Variants in AZIN1 observed in about 807,000 individuals in gnomAD.
AZIN1 encodes the protein ornithine decarboxylase antizyme inhibitor.
A neutral mutation model predicts 47.4 loss-of-function variants in AZIN1; 12 were observed. The observed-to-expected ratio is 0.25, with a 90% CI of 0.16 to 0.41. The LOEUF (loss-of-function observed/expected upper bound fraction) is 0.41, where lower values mean the gene tolerates loss of function less well. AZIN1 is among the 10% of genes least tolerant of loss of function. The probability of loss-of-function intolerance (pLI) is 1.00; values close to 1 mark genes in which losing one functional copy is unlikely to be tolerated. For missense variants in AZIN1, 410 were observed against 532.4 expected (o/e 0.77, Z 2.26); for synonymous variants, 155 against 176.3 (o/e 0.88, Z 0.96).
intron 2 of AZIN1, among the ~76,000 whole-genome samples, chr8:102,853,146 CAG>C (rs1470610922): frequency 2.0e-5 from 3 of 152,208 alleles, no homozygotes. Flanking sequence ...GATTGGTAGT[CAG>C]TATTAATTTT....
chr8:102,846,995 T>C (rs1812606813), intron 2 of AZIN1, among the ~76,000 whole-genome samples: 1 of 152,180 alleles, frequency 6.6e-6, no homozygotes, highest in African/African-American at 2.4e-5. Flanking sequence ...TGAAAAAATA[T>C]GACCTCTTCT....
At chr8:102,860,582 T>G (rs1484534285) in intron 1 of AZIN1, among the ~76,000 whole-genome samples, 1 of 152,074 alleles carries the variant, frequency 6.6e-6, no homozygotes, top group Non-Finnish European at 1.5e-5. Context: ...TTCTTAAAAA[T>G]AAAATAGGAA....
intron 2 of AZIN1, 52 bp downstream of exon 2, chr8:102,857,961 T>C: frequency 2.5e-6 from 1 of 398,758 alleles, no homozygotes; most frequent in Non-Finnish European, 4.4e-6. Flanking sequence ...GGCAGCACTC[T>C]TCCTTCGATT....
chr8:102,827,418 C>G lies in AZIN1; in HGVS notation c.*1149G>C, dbSNP rs1811174765. On this transcript the variant is annotated 3_prime_UTR_variant, in exon 12 of 12. Coordinates refer to ENST00000337198, the MANE Select transcript of AZIN1 (RefSeq NM_148174.4). Reference sequence around the variant, plus strand: ...ATAACAAGAAACTAAGGGGACAGTTCAAACCAACAACAAAAAATCCTAAAT... The same window carrying G: ...ATAACAAGAAACTAAGGGGACAGTTGAAACCAACAACAAAAAATCCTAAAT... 6.6e-6 allele frequency: 1 copy of G among 152,032 alleles called. No homozygotes were observed. The highest frequency in any genetic ancestry group is 2.1e-4 in the South Asian group (1 of 4,828). 9.4% of individuals were successfully genotyped at this position (152,032 alleles called of 1,614,324 possible).
intron 2 of AZIN1, chr8:102,854,606 AAATATAT>A (rs1334903283): frequency 7.9e-6 from 1 of 125,964 alleles, no homozygotes. Context: ...AAAAAAAAAA[AAATATAT>A]ATATATATAT....
intron 7 of AZIN1, 120 bp downstream of exon 7, chr8:102,834,546 T>C (rs1811691942): frequency 4.1e-6 from 3 of 738,662 alleles, no homozygotes; most frequent in Admixed American, 2.8e-5. Context: ...ATAATAAAAA[T>C]GAGGTGTGTG....
intron 2 of AZIN1, among the ~76,000 whole-genome samples, chr8:102,852,187 T>G (rs1586196559): frequency 6.6e-6 from 1 of 152,216 alleles, no homozygotes; most frequent in Non-Finnish European, 1.5e-5. Context: ...GCTAAGAAGA[T>G]ACCATACTTG....
chr8:102,836,103 T>C, intron 6 of AZIN1, 153 bp downstream of exon 6: 1 of 805,298 alleles, frequency 1.2e-6, no homozygotes, highest in Non-Finnish European at 1.9e-6. Flanking sequence ...TTGTTTTGCC[T>C]AAACTAAGAA....
chr8:102,831,641 CAAAAAA>C (rs35860063), intron 9 of AZIN1, among the ~76,000 whole-genome samples: 1 of 83,838 alleles, frequency 1.2e-5, no homozygotes, highest in African/African-American at 4.8e-5. Flanking sequence ...AAAACAGTCT[CAAAAAA>C]AAAAAAAAAA....
At chr8:102,831,288 G>T (rs899012546) in intron 9 of AZIN1, among the ~76,000 whole-genome samples, 3 of 152,034 alleles carry the variant, frequency 2.0e-5, no homozygotes, top group Non-Finnish European at 2.9e-5. Context: ...TATTCTTTAA[G>T]TAAAGGCCAA....
intron 4 of AZIN1, 22 bp downstream of exon 4, chr8:102,839,628 T>A (rs1339705436): frequency 8.7e-6 from 13 of 1,496,362 alleles, no homozygotes; most frequent in Non-Finnish European, 1.2e-5. Flanking sequence ...TTCAGTTTAG[T>A]TAAAAAATGA....
At chr8:102,836,481 T>A in intron 5 of AZIN1, 91 bp from the exon 6 acceptor site, 1 of 1,375,810 alleles carries the variant, frequency 7.3e-7, no homozygotes, top group Non-Finnish European at 1.0e-6. Flanking sequence ...GTGTTGATTA[T>A]GTTGCCAGTG....
At chr8:102,832,443 A>C (rs934944342) in intron 9 of AZIN1, among the ~76,000 whole-genome samples, 3 of 152,156 alleles carry the variant, frequency 2.0e-5, no homozygotes, top group Admixed American at 2.0e-4. Flanking sequence ...TGTGGCCCTT[A>C]TGTGAGAAAG....
At chr8:102,829,975 A>G (rs1369173883) in intron 9 of AZIN1, 39 bp from the exon 10 acceptor site, 2 of 1,288,238 alleles carry the variant, frequency 1.6e-6, no homozygotes, top group Admixed American at 3.9e-5. Flanking sequence ...AATTTTTAAT[A>G]AAATGGCTCA....
Position 102,833,113 on chromosome 8 carries a change from G to A in AZIN1, c.847C>T (p.Leu283Phe). The A allele has an allele frequency of 6.2e-7, 1 of 1,613,280 alleles. No homozygotes were observed. The change falls in exon 9 of 12, where the codon CTC (leucine) becomes TTC (phenylalanine). Residue 283 changes from leucine to phenylalanine, a missense_variant. Physicochemically the swap from Leu to Phe is conservative, Grantham distance 22. Transcript: ENST00000337198. ...TTCTTTGCTATGATATTAACTGCGA[G>A]TGTAAATGCAGAAGACACATAGTAG... ...GSYYVSSAFTLAVNIIAKKVV... is the reference protein window; with the variant it reads ...GSYYVSSAFTFAVNIIAKKVV...
chr8:102,862,362 A>G (rs1352572050), intron 1 of AZIN1, among the ~76,000 whole-genome samples: 1 of 152,170 alleles, frequency 6.6e-6, no homozygotes, highest in East Asian at 1.9e-4. Flanking sequence ...TCTAGGTGGA[A>G]GTATAACTCT....
chr8:102,837,034 C>T (rs1811866937), intron 5 of AZIN1, among the ~76,000 whole-genome samples: 1 of 152,158 alleles, frequency 6.6e-6, no homozygotes, highest in Admixed American at 6.5e-5. Flanking sequence ...TCTCCTGCCT[C>T]AGCCTCCCAA....
At chr8:102,857,885 G>C (rs752365540) in intron 2 of AZIN1, 128 bp downstream of exon 2, 22 of 395,426 alleles carry the variant, frequency 5.6e-5, no homozygotes, top group Non-Finnish European at 9.3e-5. Flanking sequence ...CTCTATTTCA[G>C]AAATTTAAAA....
chr8:102,856,003 G>A (rs1813258946), intron 2 of AZIN1: 1 of 151,406 alleles, frequency 6.6e-6, no homozygotes, highest in African/African-American at 2.4e-5. Context: ...CAATATTTCT[G>A]AAGCAAAATT....
Sources: gnomAD v4.1 joint callset for allele counts (sites outside exome capture counted in the v4.1 genomes callset) on GRCh38, gnomAD v4.1.1 for gene constraint, MANE v1.5 for transcripts, NCBI Gene and HGNC (gene_info 2026-07-23, HGNC 2026-07-21) for gene names.